The following TMEM132D variants were observed in gnomAD, a reference collection of about 807,000 sequenced individuals.
TMEM132D encodes the protein transmembrane protein 132D, also known as mature OL transmembrane protein.
A neutral mutation model predicts 62.3 loss-of-function variants in TMEM132D; 21 were observed. The ratio of observed to expected loss-of-function variants is 0.34; its 90% CI spans 0.24 to 0.49. The LOEUF (loss-of-function observed/expected upper bound fraction) is 0.49. Ranked by LOEUF, TMEM132D falls within the 20% of genes least tolerant of loss-of-function variation. The probability of loss-of-function intolerance (pLI) is 0.99; values close to 1 mark genes in which losing one functional copy is unlikely to be tolerated. For missense variants in TMEM132D, 1,346 were observed against 1,402.8 expected (o/e 0.96, Z 0.65); for synonymous variants, 621 against 575.6 (o/e 1.08, Z -1.13).
chr12:129,825,552 C>T (rs984014523), intron 1 of TMEM132D, among the ~76,000 whole-genome samples: 1 of 152,196 alleles, frequency 6.6e-6, no homozygotes, highest in African/African-American at 2.4e-5. Context: ...CCTGGGGACA[C>T]AAGGCCCTCC....
At chr12:129,422,407 T>C (rs1304344364) in intron 3 of TMEM132D, among the ~76,000 whole-genome samples, 1 of 152,168 alleles carries the variant, frequency 6.6e-6, no homozygotes, top group Non-Finnish European at 1.5e-5. Context: ...AATGGGCAAG[T>C]CACAGAGGAG....
chr12:129,679,126 AAC>A (rs2137206649), intron 2 of TMEM132D, among the ~76,000 whole-genome samples: 1 of 152,020 alleles, frequency 6.6e-6, no homozygotes, highest in East Asian at 1.9e-4. Context: ...TTCCCTAAAA[AAC>A]CTAGTTTTTT....
intron 3 of TMEM132D, among the ~76,000 whole-genome samples, chr12:129,404,348 A>G (rs1871710496): frequency 6.6e-6 from 1 of 151,930 alleles, no homozygotes; most frequent in Non-Finnish European, 1.5e-5. Context: ...ACAGGCACCC[A>G]CCACCATTTG....
chr12:129,506,717 T>C (rs1875341411), intron 3 of TMEM132D, among the ~76,000 whole-genome samples: 1 of 152,170 alleles, frequency 6.6e-6, no homozygotes, highest in African/African-American at 2.4e-5. Context: ...AGAGAAGATG[T>C]ATGAATGACT....
chr12:129,525,051 G>A (rs1043342278), intron 3 of TMEM132D, among the ~76,000 whole-genome samples: 1 of 143,786 alleles, frequency 7.0e-6, no homozygotes, highest in Non-Finnish European at 1.5e-5. Flanking sequence ...TCAGCCTCCT[G>A]TGTAGCTGGG....
intron 8 of TMEM132D, among the ~76,000 whole-genome samples, chr12:129,076,387 A>G (rs1318067535): frequency 6.6e-6 from 1 of 151,498 alleles, no homozygotes; most frequent in Non-Finnish European, 1.5e-5. Flanking sequence ...TTTGTTATTT[A>G]AGCTTTTGCT....
intron 2 of TMEM132D, among the ~76,000 whole-genome samples, chr12:129,592,352 A>G (rs931791252): frequency 6.6e-6 from 1 of 152,210 alleles, no homozygotes; most frequent in Non-Finnish European, 1.5e-5. Flanking sequence ...AATTATTGCC[A>G]TTTGAAATAC....
At chr12:129,900,022 T>C (rs531628145) in intron 1 of TMEM132D, among the ~76,000 whole-genome samples, 21 of 152,262 alleles carry the variant, frequency 1.4e-4, no homozygotes, top group African/African-American at 5.1e-4. Context: ...GAAGCTTCAC[T>C]CTGACCCAAT....
At position 129,318,006 on chromosome 12, in the gene TMEM132D, T is replaced by C. The variant is rs115802387; in HGVS notation, c.1299+19628A>G. On this transcript the variant is annotated intron_variant, in intron 4 of 8. Coordinates refer to ENST00000422113, the MANE Select transcript of TMEM132D (RefSeq NM_133448.3). ...TTTCCTGAATTTTTTTGTTTTTTTC[T>C]TCAGTTATCTAATTCCTTGAATATT... 7.6e-3 allele frequency among the ~76,000 whole-genome samples: 1,162 copies of C among 152,302 alleles called. 12 individuals are homozygous for C. Among genetic ancestry groups the C allele is most frequent in the African/African-American group, 0.027 (1,105 of 41,570 alleles).
At chr12:129,413,587 G>T (rs980273545) in intron 3 of TMEM132D, among the ~76,000 whole-genome samples, 1 of 152,170 alleles carries the variant, frequency 6.6e-6, no homozygotes. Context: ...ATATTGGAGA[G>T]AATTAGATAC....
chr12:129,436,603 A>C (rs569163189), intron 3 of TMEM132D, among the ~76,000 whole-genome samples: 1 of 152,310 alleles, frequency 6.6e-6, no homozygotes, highest in Non-Finnish European at 1.5e-5. Context: ...TATTTAAACA[A>C]TTTATATAAT....
chr12:129,075,124 T>C (rs1874210542), intron 8 of TMEM132D, 65 bp from the exon 9 acceptor site: 1 of 1,366,672 alleles, frequency 7.3e-7, no homozygotes. Context: ...CAAGTCTTAG[T>C]ACAGTAGACA....
At chr12:129,473,723 C>T (rs2137048839) in intron 3 of TMEM132D, among the ~76,000 whole-genome samples, 1 of 152,264 alleles carries the variant, frequency 6.6e-6, no homozygotes, top group Non-Finnish European at 1.5e-5. Context: ...GTAAACATAA[C>T]TTTTCTATGT....
chr12:129,711,278 C>T (rs1485562072), intron 1 of TMEM132D, among the ~76,000 whole-genome samples: 1 of 152,224 alleles, frequency 6.6e-6, no homozygotes, highest in African/African-American at 2.4e-5. Context: ...CTCCTCTCTG[C>T]GTTTCACATC....
intron 1 of TMEM132D, among the ~76,000 whole-genome samples, chr12:129,842,986 A>G (rs1328880701): frequency 6.6e-6 from 1 of 152,240 alleles, no homozygotes; most frequent in African/African-American, 2.4e-5. Context: ...GTGTCTCATT[A>G]CAAAAGAGAA....
In TMEM132D at chr12:129,388,658, A is replaced by G. The variant is rs1244334096; in HGVS notation, c.1116-50841T>C. On this transcript the variant is annotated intron_variant, in intron 3 of 8. Transcript: ENST00000422113. ...AACACTAACACTCATCCTAATATAA[A>G]CACTAACACCGACACCAATACTAAC... 1.0e-4 allele frequency among the ~76,000 whole-genome samples: 13 copies of G among 128,810 alleles called. 1 individual carries two copies. The highest frequency in any genetic ancestry group is 2.7e-4 in the African/African-American group (10 of 36,472). The allele number at this position is 128,810 out of a possible 152,430, so 84.5% of individuals were successfully genotyped here. A position where few individuals can be genotyped will look rare whatever the true frequency, so the allele number is the denominator to read the frequency against.
intron 3 of TMEM132D, among the ~76,000 whole-genome samples, chr12:129,490,424 T>A (rs984259410): frequency 3.3e-5 from 1 of 30,540 alleles, no homozygotes; most frequent in Non-Finnish European, 6.2e-5. Flanking sequence ...TTTCCTTTCC[T>A]TTTTTTTTTT....
intron 1 of TMEM132D, among the ~76,000 whole-genome samples, chr12:129,729,568 C>T (rs1321324702): frequency 6.6e-6 from 1 of 151,866 alleles, no homozygotes; most frequent in East Asian, 1.9e-4. Context: ...ATTTTTTTTC[C>T]AGCTCTGAGT....
intron 3 of TMEM132D, among the ~76,000 whole-genome samples, chr12:129,449,537 G>A (rs1199393667): frequency 6.6e-6 from 1 of 152,146 alleles, no homozygotes; most frequent in Non-Finnish European, 1.5e-5. Flanking sequence ...CCTTGGTCAG[G>A]CTAGACAGCA....
Sources: gnomAD v4.1 joint callset for allele counts (sites outside exome capture counted in the v4.1 genomes callset) on GRCh38, gnomAD v4.1.1 for gene constraint, MANE v1.5 for transcripts, NCBI Gene and HGNC (gene_info 2026-07-23, HGNC 2026-07-21) for gene names.